CLVS1: variants seen among roughly 807,000 people sequenced by gnomAD.
CLVS1 encodes clavesin-1.
In CLVS1, 10 loss-of-function variants were observed where a neutral mutation model predicts 33.1. The ratio of observed to expected loss-of-function variants is 0.30; its 90% CI spans 0.19 to 0.51. The LOEUF (loss-of-function observed/expected upper bound fraction) is 0.51. CLVS1 is among the 20% of genes least tolerant of loss of function. The pLI, the probability that CLVS1 is intolerant of heterozygous loss-of-function variation, is 0.97. For missense variants in CLVS1, 343 were observed against 433.4 expected (o/e 0.79, Z 1.85); for synonymous variants, 163 against 166.1 (o/e 0.98, Z 0.14).
the CLVS1 span, among the ~76,000 whole-genome samples, chr8:60,998,134 T>G: frequency 6.6e-6 from 1 of 152,318 alleles, no homozygotes; most frequent in East Asian, 1.9e-4. Flanking sequence ...TCAAGGAGGA[T>G]GTAAGACAAA....
intron 1 of CLVS1, among the ~76,000 whole-genome samples, chr8:61,293,215 A>G (rs536233928): frequency 1.3e-5 from 2 of 152,328 alleles, no homozygotes; most frequent in East Asian, 3.9e-4. Context: ...TTATGCTTTC[A>G]GATAATTCAG....
chr8:61,336,161 C>T lies in CLVS1; in HGVS notation c.455+35879C>T, dbSNP rs568127563. 9.2e-5 allele frequency among the ~76,000 whole-genome samples: 14 copies of T among 152,264 alleles called. No homozygotes were observed. The East Asian group carries it at 2.7e-3, about 29-fold the overall frequency. The stretch of plus-strand genomic sequence containing the variant: ...CAGCAACCCCTAGGAGTTGCTATGA[C>T]GCCATTCAAATTTCCTTCAGGATAC... On this transcript the variant is annotated intron_variant, in intron 2 of 5. Coordinates refer to ENST00000325897, the MANE Select transcript of CLVS1 (RefSeq NM_173519.3).
At chr8:61,332,898 G>A (rs1811653560) in intron 2 of CLVS1, among the ~76,000 whole-genome samples, 1 of 152,216 alleles carries the variant, frequency 6.6e-6, no homozygotes, top group Non-Finnish European at 1.5e-5. Context: ...GCCTGCCAAA[G>A]TGCTGGGATT....
chr8:61,111,468 G>A (rs1307595560), intron 1 of CLVS1, among the ~76,000 whole-genome samples: 1 of 152,166 alleles, frequency 6.6e-6, no homozygotes, highest in Non-Finnish European at 1.5e-5. Context: ...AAATAATTGG[G>A]AATGGAAAGG....
chr8:61,172,804 C>T (rs1440719838), intron 2 of CLVS1, among the ~76,000 whole-genome samples: 1 of 152,104 alleles, frequency 6.6e-6, no homozygotes, highest in African/African-American at 2.4e-5. Flanking sequence ...CTGTGGCTCT[C>T]CCATCTTTAG....
intron 2 of CLVS1, chr8:61,203,308 T>C (rs1563443548): frequency 4.2e-6 from 3 of 706,818 alleles, no homozygotes; most frequent in Non-Finnish European, 7.7e-6. Flanking sequence ...GTCCTTTTTA[T>C]AATGCAGAGT....
At chr8:61,174,707 G>T (rs183485386) in intron 2 of CLVS1, among the ~76,000 whole-genome samples, 1 of 152,212 alleles carries the variant, frequency 6.6e-6, no homozygotes, top group African/African-American at 2.4e-5. Flanking sequence ...ATGATTAAGG[G>T]TTCATTTATA....
At chr8:61,371,179 A>C (rs1232121066) in intron 2 of CLVS1, among the ~76,000 whole-genome samples, 1 of 152,164 alleles carries the variant, frequency 6.6e-6, no homozygotes, top group African/African-American at 2.4e-5. Context: ...GATTATGGCC[A>C]TTCTTGCAGG....
At chr8:61,139,894 CCT>C (rs982360010) in intron 2 of CLVS1, among the ~76,000 whole-genome samples, 1 of 152,100 alleles carries the variant, frequency 6.6e-6, no homozygotes, top group African/African-American at 2.4e-5. Flanking sequence ...GGTCCTGGAT[CCT>C]CTCTATTTGG....
chr8:61,036,171 G>C, the CLVS1 span, among the ~76,000 whole-genome samples: 1 of 152,360 alleles, frequency 6.6e-6, no homozygotes, highest in East Asian at 1.9e-4. Flanking sequence ...CTAGAGCAAA[G>C]GAGAATGGGA....
intron 5 of CLVS1, among the ~76,000 whole-genome samples, chr8:61,497,566 T>G (rs1804311859): frequency 6.6e-6 from 1 of 151,994 alleles, no homozygotes; most frequent in South Asian, 2.1e-4. Flanking sequence ...TCAAAGTTAG[T>G]CTTTGGGTCA....
At chr8:61,362,057 T>C (rs906698354) in intron 2 of CLVS1, among the ~76,000 whole-genome samples, 1 of 152,176 alleles carries the variant, frequency 6.6e-6, no homozygotes, top group Admixed American at 6.5e-5. Context: ...AAGGGGATTC[T>C]CAACAAATTG....
intron 1 of CLVS1, among the ~76,000 whole-genome samples, chr8:61,295,547 TTAGGCTCA>T (rs1475310572): frequency 6.6e-6 from 1 of 152,160 alleles, no homozygotes; most frequent in Non-Finnish European, 1.5e-5. Flanking sequence ...ACTGGTATAT[TTAGGCTCA>T]TAGAATGGTA....
intron 2 of CLVS1, among the ~76,000 whole-genome samples, chr8:61,134,101 G>A (rs1806148407): frequency 6.6e-6 from 1 of 152,146 alleles, no homozygotes; most frequent in African/African-American, 2.4e-5. Context: ...GGTGTATAGT[G>A]GAGCCCCCTG....
At chr8:61,398,311 A>G (rs986030319) in intron 3 of CLVS1, among the ~76,000 whole-genome samples, 1 of 151,346 alleles carries the variant, frequency 6.6e-6, no homozygotes, top group Admixed American at 6.6e-5. Flanking sequence ...CCTCCCAAGT[A>G]GCTGTAACCA....
chr8:61,273,137 C>G (rs1321226108), intron 2 of CLVS1, among the ~76,000 whole-genome samples: 18 of 148,860 alleles, frequency 1.2e-4, no homozygotes, highest in African/African-American at 4.2e-4. Flanking sequence ...TACTTTTGGT[C>G]TTTGATGATG....
At chr8:61,085,728 CAA>C (rs57456582) in intron 1 of CLVS1, among the ~76,000 whole-genome samples, 8 of 115,032 alleles carry the variant, frequency 7.0e-5, no homozygotes, top group Admixed American at 1.8e-4. Flanking sequence ...CCATCCCTAC[CAA>C]AAAAAAAAAA....
intron 1 of CLVS1, among the ~76,000 whole-genome samples, chr8:61,090,616 C>T (rs1025226354): frequency 6.6e-6 from 1 of 152,054 alleles, no homozygotes; most frequent in Non-Finnish European, 1.5e-5. Context: ...ATGGAGTTTG[C>T]CTGGTTGCAT....
chr8:61,044,906 T>A, the CLVS1 span, among the ~76,000 whole-genome samples: 1 of 151,834 alleles, frequency 6.6e-6, no homozygotes, highest in South Asian at 2.1e-4. Flanking sequence ...CCTATGGGAG[T>A]GGTCCTAAAG....
Sources: gnomAD v4.1 joint callset for allele counts (sites outside exome capture counted in the v4.1 genomes callset) on GRCh38, gnomAD v4.1.1 for gene constraint, MANE v1.5 for transcripts, NCBI Gene and HGNC (gene_info 2026-07-23, HGNC 2026-07-21) for gene names.